Variants in FLCN observed in about 807,000 individuals in gnomAD.
The protein encoded by FLCN is folliculin, also known as BHD skin lesion fibrofolliculoma protein.
A neutral mutation model predicts 62.5 loss-of-function variants in FLCN; 22 were observed. That is an observed-to-expected ratio of 0.35 (90% CI 0.25 to 0.50). FLCN has a LOEUF of 0.50. Among genes scored for constraint, FLCN ranks in the 20% least tolerant of loss-of-function variants. The pLI, the probability that FLCN is intolerant of heterozygous loss-of-function variation, is 0.97. For missense variants in FLCN, 657 were observed against 778.0 expected (o/e 0.84, Z 1.85); for synonymous variants, 319 against 310.0 (o/e 1.03, Z -0.30).
rs76764476 is a variant in FLCN, at chr17:17,213,989, T to G, written c.1539-133A>C. 3,157 of 970,418 alleles carry G rather than the reference T, an allele frequency of 3.3e-3. 108 individuals are homozygous for G. The East Asian group carries it at 0.069, about 21-fold the overall frequency. 60.1% of individuals were successfully genotyped at this position (970,418 alleles called of 1,614,324 possible). ...CAGGCAGAGCTGGAATCCACACCCT[T>G]GGGGCAGCAGGCTTGGCCCCTGAAC... On this transcript the variant is annotated intron_variant, in intron 13 of 13. Transcript: ENST00000285071.
intron 5 of FLCN, 123 bp from the exon 6 acceptor site, chr17:17,224,266 T>C: frequency 8.1e-6 from 7 of 865,924 alleles, no homozygotes; most frequent in Non-Finnish European, 1.3e-5. Context: ...ACGGGGAGAG[T>C]GGCACAGTGG....
At chr17:17,231,056 C>T (rs910695123) in intron 3 of FLCN, among the ~76,000 whole-genome samples, 1 of 151,972 alleles carries the variant, frequency 6.6e-6, no homozygotes. Context: ...AAAAATTAGC[C>T]AGGCATGGTG....
chr17:17,221,089 G>A (rs1176453839), intron 8 of FLCN: 16 of 1,223,016 alleles, frequency 1.3e-5, no homozygotes, highest in Non-Finnish European at 1.7e-5. Flanking sequence ...AGGGCCCCAA[G>A]CCCCAGATCA....
At chr17:17,225,982 C>A in intron 5 of FLCN, 194 bp downstream of exon 5, 1 of 752,838 alleles carries the variant, frequency 1.3e-6, no homozygotes, top group Non-Finnish European at 2.4e-6. Flanking sequence ...AAATGCTCAG[C>A]AAGTCCAACA....
At chr17:17,225,664 T>C (rs958691827) in intron 5 of FLCN, 15 of 193,882 alleles carry the variant, frequency 7.7e-5, no homozygotes, top group Non-Finnish European at 1.5e-4. Flanking sequence ...TAAGCCGAGA[T>C]TGCACCACTG....
intron 13 of FLCN, 129 bp downstream of exon 13, chr17:17,214,856 G>A: frequency 2.0e-6 from 2 of 993,812 alleles, no homozygotes; most frequent in Non-Finnish European, 3.1e-6. Context: ...ACGTGGAGTT[G>A]GAACCCCGCC....
chr17:17,230,350 GT>G (rs2047383341), intron 3 of FLCN, among the ~76,000 whole-genome samples: 3 of 152,082 alleles, frequency 2.0e-5, no homozygotes, highest in Non-Finnish European at 4.4e-5. Context: ...GGCCGACGCA[GT>G]GAAACCCTGC....
At chr17:17,234,681 TA>T in intron 1 of FLCN, among the ~76,000 whole-genome samples, 1 of 150,092 alleles carries the variant, frequency 6.7e-6, no homozygotes, top group South Asian at 2.1e-4. Context: ...CTGTCTCTAC[TA>T]AAAATAGAAA....
rs1567825283 is a variant in FLCN at position 17,228,036 on chromosome 17, C to T, written c.102G>A (p.Gly34=). The change falls in exon 4 of 14, where the codon GGG becomes GGA. Residue 34 remains glycine (G), a synonymous_variant. Coordinates refer to ENST00000285071, the MANE Select transcript of FLCN (RefSeq NM_144997.7). ...CACCCTGGCCAGGACTGTCCTCATT[C>T]CCATCCCCTTGAGGAAGTGGGGCGT... The part of the protein sequence containing the change: ...VLHAPLPQGD[G]NEDSPGQGEQ... The T allele has an allele frequency of 6.2e-7, 1 of 1,613,938 alleles. No homozygotes were observed. The highest frequency in any genetic ancestry group is 8.5e-7 in the Non-Finnish European group (1 of 1,180,052).
intron 5 of FLCN, 46 bp from the exon 6 acceptor site, chr17:17,224,189 A>T (rs1453105084): frequency 2.7e-6 from 4 of 1,508,034 alleles, no homozygotes. Context: ...TCGCTTAGTG[A>T]CACCAAATCA....
In FLCN at chr17:17,217,050, A is replaced by G; in HGVS notation, c.1176+19T>C. The G allele has an allele frequency of 2.6e-6, 4 of 1,565,926 alleles. No homozygotes were observed. The South Asian group carries it at 3.3e-5, about 13-fold the overall frequency. Reference sequence around the variant, plus strand: ...CAATACTGCCCTGCGCCGCACACCTAAGGAAAAGATGTTCTCACCCGAAGT... The same window carrying G: ...CAATACTGCCCTGCGCCGCACACCTGAGGAAAAGATGTTCTCACCCGAAGT... On this transcript the variant is annotated intron_variant, in intron 10 of 13. Coordinates refer to ENST00000285071, the MANE Select transcript of FLCN (RefSeq NM_144997.7).
chr17:17,214,006 C>T (rs2046829422), intron 13 of FLCN, 150 bp from the exon 14 acceptor site: 2 of 866,162 alleles, frequency 2.3e-6, no homozygotes, highest in East Asian at 2.6e-5. Flanking sequence ...GCAGGCTTGG[C>T]CCCTGAACTG....
At chr17:17,221,133 A>G (rs2047071814) in intron 8 of FLCN, 2 of 1,393,916 alleles carry the variant, frequency 1.4e-6, no homozygotes, top group Non-Finnish European at 1.9e-6. Context: ...CTGGGAGGTC[A>G]GGGAACCACT....
At chr17:17,230,923 G>A (rs1466131821) in intron 3 of FLCN, among the ~76,000 whole-genome samples, 1 of 151,982 alleles carries the variant, frequency 6.6e-6, no homozygotes, top group African/African-American at 2.4e-5. Flanking sequence ...TAGGCTGAGT[G>A]CGGTTGTTCA....
At chr17:17,222,865 G>T in intron 6 of FLCN, 1 of 656,928 alleles carries the variant, frequency 1.5e-6, no homozygotes, top group Non-Finnish European at 2.7e-6. Flanking sequence ...AGCTATCCGA[G>T]AACAGAAATC....
intron 1 of FLCN, among the ~76,000 whole-genome samples, chr17:17,235,109 CA>C (rs34695824): frequency 0.46 from 32,771 of 70,744 alleles, 4,488 homozygotes; most frequent in East Asian, 0.55. Flanking sequence ...GACTCCATTT[CA>C]AAAAAAAAAA....
intron 3 of FLCN, 90 bp from the exon 4 acceptor site, chr17:17,228,251 G>A (rs893543031): frequency 6.8e-7 from 1 of 1,472,708 alleles, no homozygotes; most frequent in African/African-American, 1.4e-5. Flanking sequence ...GAGCACCTGG[G>A]TGCCATGGAC....
chr17:17,217,066 C>T lies in FLCN; in HGVS notation c.1176+3G>A, dbSNP rs2144868603. The stretch of plus-strand genomic sequence containing the variant: ...CGCACACCTAAGGAAAAGATGTTCT[C>T]ACCCGAAGTACTTCAAAAGCTGACT... On this transcript the variant is annotated splice_donor_region_variant and intron_variant, in intron 10 of 13. Transcript: ENST00000285071. The T allele has an allele frequency of 1.9e-6, 3 of 1,603,028 alleles. No individual in the cohort carries two copies. The highest frequency in any genetic ancestry group is 2.6e-6 in the Non-Finnish European group (3 of 1,169,988).
intron 9 of FLCN, 96 bp from the exon 10 acceptor site, chr17:17,217,278 G>A: frequency 1.1e-6 from 1 of 881,234 alleles, no homozygotes; most frequent in Non-Finnish European, 1.9e-6. Flanking sequence ...AAACTTTGTA[G>A]AGCAAAGACA....
Sources: gnomAD v4.1 joint callset for allele counts (sites outside exome capture counted in the v4.1 genomes callset) on GRCh38, gnomAD v4.1.1 for gene constraint, MANE v1.5 for transcripts, NCBI Gene and HGNC (gene_info 2026-07-23, HGNC 2026-07-21) for gene names.